The following BCAS3 variants were observed in gnomAD, a reference collection of about 807,000 sequenced individuals.
BCAS3 encodes BCAS4/BCAS3 fusion.
BCAS3 carries 53 observed loss-of-function variants against 116.1 expected under a neutral mutation model. The ratio of observed to expected loss-of-function variants is 0.46; its 90% CI spans 0.37 to 0.57. The LOEUF (loss-of-function observed/expected upper bound fraction) is 0.57, where lower values mean the gene tolerates loss of function less well. Ranked by LOEUF, BCAS3 falls within the 20% of genes least tolerant of loss-of-function variation. The pLI is 0.00. For synonymous variants in BCAS3, 391 were observed against 408.2 expected (o/e 0.96, Z 0.51); for missense variants, 917 against 1,165.4 (o/e 0.79, Z 3.10).
chr17:60,771,814 G>A (rs1167932634), intron 6 of BCAS3, among the ~76,000 whole-genome samples: 1 of 128,444 alleles, frequency 7.8e-6, no homozygotes, highest in Non-Finnish European at 1.5e-5. Flanking sequence ...TTGGTTTTCT[G>A]TCCTTGTGAT....
At position 61,332,671 on chromosome 17, in the gene BCAS3, A is replaced by C. The variant is rs982432075; in HGVS notation, c.2426-35656A>C. Among the ~76,000 whole-genome samples, 2 of 152,052 alleles carry C rather than the reference A, an allele frequency of 1.3e-5. No homozygotes were observed. The highest frequency in any genetic ancestry group is 3.9e-4 in the East Asian group (2 of 5,178). On this transcript the variant is annotated intron_variant, in intron 22 of 23. Coordinates refer to ENST00000407086, the MANE Select transcript of BCAS3 (RefSeq NM_017679.5). This position sits in a 1 kb window ranked among gnomAD's most constrained non-coding sequence, Gnocchi z 5.4. ...TGCTCTGTCACCCAGGCTGGAGTGC[A>C]ATGGCATGATCTCGGCTCATAGCAG... is the stretch of plus-strand genomic sequence containing the variant.
intron 14 of BCAS3, among the ~76,000 whole-genome samples, chr17:60,984,484 T>A (rs1195561056): frequency 6.6e-6 from 1 of 152,166 alleles, no homozygotes; most frequent in Non-Finnish European, 1.5e-5. Flanking sequence ...AGCTTTTTTT[T>A]AATTTTTAAT....
chr17:61,274,412 C>T (rs1159679570), intron 22 of BCAS3, among the ~76,000 whole-genome samples: 1 of 151,434 alleles, frequency 6.6e-6, no homozygotes, highest in African/African-American at 2.4e-5. Context: ...CCTCAGCCTC[C>T]TGAGTAGCTG....
At chr17:61,197,793 C>T (rs186057832) in intron 22 of BCAS3, among the ~76,000 whole-genome samples, 5 of 152,340 alleles carry the variant, frequency 3.3e-5, no homozygotes, top group Admixed American at 2.6e-4. Context: ...CTCAAACACT[C>T]AGATTTACTG....
At chr17:60,713,085 A>T (rs2038126563) in intron 5 of BCAS3, among the ~76,000 whole-genome samples, 1 of 152,126 alleles carries the variant, frequency 6.6e-6, no homozygotes, top group African/African-American at 2.4e-5. Context: ...CTTCTAGAAG[A>T]GCTTCAGGAA....
chr17:60,707,593 T>C (rs1160880576), intron 4 of BCAS3, among the ~76,000 whole-genome samples: 2 of 152,232 alleles, frequency 1.3e-5, no homozygotes, highest in African/African-American at 2.4e-5. Context: ...TAGGCATCTT[T>C]GTCTTGTTCT....
At position 61,126,207 on chromosome 17, in the gene BCAS3, G is replaced by T. The variant is rs1166143866; in HGVS notation, c.2425+41643G>T. 6.6e-6 allele frequency among the ~76,000 whole-genome samples: 1 copy of T among 152,126 alleles called. No homozygotes were observed. The highest frequency in any genetic ancestry group is 1.9e-4 in the East Asian group (1 of 5,198). ...GGGTGAGAATTTTTCCTTGCCCGTT[G>T]TGAGCAGTTTAATTCATTAGAATTG... On this transcript the variant is annotated intron_variant, in intron 22 of 23. Coordinates refer to ENST00000407086, the MANE Select transcript of BCAS3 (RefSeq NM_017679.5). This position sits in a 1 kb window ranked among gnomAD's most constrained non-coding sequence, Gnocchi z 4.6.
In BCAS3 at chr17:61,181,899, G is replaced by A. The variant is rs746507816; in HGVS notation, c.2425+97335G>A. On this transcript the variant is annotated intron_variant, in intron 22 of 23. Coordinates refer to ENST00000407086, the MANE Select transcript of BCAS3 (RefSeq NM_017679.5). This position sits in a 1 kb window ranked among gnomAD's most constrained non-coding sequence, Gnocchi z 5.0. ...CTTTTTTTTTTTAATCTTGAGACACGGTCTCACTCCGCTGCCCAGGCTGGA... is the reference window on the plus strand; with the variant it reads ...CTTTTTTTTTTTAATCTTGAGACACAGTCTCACTCCGCTGCCCAGGCTGGA... 1.3e-5 allele frequency among the ~76,000 whole-genome samples: 2 copies of A among 150,234 alleles called. No individual in the cohort carries two copies. The highest frequency in any genetic ancestry group is 3.0e-5 in the Non-Finnish European group (2 of 67,708).
intron 9 of BCAS3, among the ~76,000 whole-genome samples, chr17:60,888,268 CT>C (rs1213998446): frequency 1.3e-5 from 2 of 152,076 alleles, no homozygotes; most frequent in African/African-American, 4.8e-5. Flanking sequence ...CCTTAGGACC[CT>C]TTTGTATTTG....
At chr17:60,802,371 C>CATACATACATACATATAT (rs1555724685) in intron 6 of BCAS3, among the ~76,000 whole-genome samples, 18 of 111,948 alleles carry the variant, frequency 1.6e-4, no homozygotes, top group African/African-American at 6.8e-4. Flanking sequence ...TACATACATA[C>CATACATACATACATATAT]ATATATATAT....
intron 22 of BCAS3, among the ~76,000 whole-genome samples, chr17:61,138,630 A>G (rs1191753256): frequency 6.6e-6 from 1 of 152,246 alleles, no homozygotes; most frequent in Admixed American, 6.5e-5. Flanking sequence ...ATTGAGGAAT[A>G]AAAGGATAAA....
chr17:60,888,982 G>A (rs2056943453), intron 9 of BCAS3, among the ~76,000 whole-genome samples: 1 of 152,216 alleles, frequency 6.6e-6, no homozygotes, highest in Non-Finnish European at 1.5e-5. Context: ...TGACTAGGGA[G>A]TGGCAGCAGG....
chr17:61,236,073 C>A (rs2083034472), intron 22 of BCAS3, among the ~76,000 whole-genome samples: 1 of 152,166 alleles, frequency 6.6e-6, no homozygotes, highest in Non-Finnish European at 1.5e-5. Context: ...TGTCAGGCAG[C>A]CTTACTGCAC....
intron 6 of BCAS3, among the ~76,000 whole-genome samples, chr17:60,781,140 T>C (rs2045792024): frequency 6.6e-6 from 1 of 151,864 alleles, no homozygotes; most frequent in African/African-American, 2.4e-5. Context: ...TGGCTAATTT[T>C]TGTATTTTTA....
chr17:61,054,809 A>G (rs753787559), intron 19 of BCAS3, among the ~76,000 whole-genome samples: 2 of 152,194 alleles, frequency 1.3e-5, no homozygotes, highest in African/African-American at 2.4e-5. Flanking sequence ...AGATTGTTGT[A>G]TGACTTGCTA....
In BCAS3 at chr17:61,134,895, G is replaced by T. The variant is rs1790175759; in HGVS notation, c.2425+50331G>T. ...TACTTTTCTCTTAGATTGTTGTTTTGTTTTTTTTTGAAATAAAACATTTGT... is the reference window on the plus strand; with the variant it reads ...TACTTTTCTCTTAGATTGTTGTTTTTTTTTTTTTTGAAATAAAACATTTGT... On this transcript the variant is annotated intron_variant, in intron 22 of 23. Coordinates refer to ENST00000407086, the MANE Select transcript of BCAS3 (RefSeq NM_017679.5). This position sits in a 1 kb window ranked among gnomAD's most constrained non-coding sequence, Gnocchi z 4.6. 6.7e-6 allele frequency among the ~76,000 whole-genome samples: 1 copy of T among 150,164 alleles called. No individual in the cohort carries two copies. Among genetic ancestry groups the T allele is most frequent in the Admixed American group, 6.7e-5 (1 of 15,028 alleles).
intron 7 of BCAS3, among the ~76,000 whole-genome samples, chr17:60,833,054 TA>T (rs769120843): frequency 6.6e-6 from 1 of 152,192 alleles, no homozygotes; most frequent in African/African-American, 2.4e-5. Context: ...AAAATAGAGA[TA>T]GGGGTCTCAC....
chr17:61,045,894 A>AAT (rs1352002896), intron 19 of BCAS3, among the ~76,000 whole-genome samples: 1 of 34,908 alleles, frequency 2.9e-5, no homozygotes, highest in African/African-American at 5.0e-4. Context: ...TTATATATAT[A>AAT]ATATATATAA....
At chr17:61,236,953 G>A (rs530499701) in intron 22 of BCAS3, among the ~76,000 whole-genome samples, 15 of 152,290 alleles carry the variant, frequency 9.8e-5, no homozygotes, top group South Asian at 2.1e-4. Flanking sequence ...TGAAAAAGTA[G>A]AATAGCCTCT....
Sources: allele counts gnomAD v4.1 joint callset (sites outside exome capture counted in the v4.1 genomes callset), GRCh38; gene constraint gnomAD v4.1.1; non-coding constraint Gnocchi (gnomAD v3.1); transcripts MANE v1.5; gene names NCBI Gene and HGNC (gene_info 2026-07-23, HGNC 2026-07-21).